PCBP3: variants seen among roughly 807,000 people sequenced by gnomAD.
The protein encoded by PCBP3 is poly(rC) binding protein 3.
Under a neutral mutation model 52.7 loss-of-function variants are expected in PCBP3, and 25 were observed. That is an observed-to-expected ratio of 0.47 (90% CI 0.35 to 0.66). The LOEUF (loss-of-function observed/expected upper bound fraction) is 0.66. Ranked by LOEUF, PCBP3 falls within the 30% of genes least tolerant of loss-of-function variation. The probability of loss-of-function intolerance (pLI) is 0.01; values close to 1 mark genes in which losing one functional copy is unlikely to be tolerated. For synonymous variants in PCBP3, 162 were observed against 183.0 expected, an observed-to-expected ratio of 0.89 and a Z score of 0.93; for missense variants, 391 against 490.3, an observed-to-expected ratio of 0.80 and a Z score of 1.91.
At chr21:45,883,190 C>G (rs1213722714) in intron 5 of PCBP3, among the ~76,000 whole-genome samples, 1 of 152,302 alleles carries the variant, frequency 6.6e-6, no homozygotes, top group East Asian at 1.9e-4. Flanking sequence ...TTTCCAAGTG[C>G]TTGGAACTTT....
chr21:45,874,505 C>CTTT (rs551716964), intron 5 of PCBP3, among the ~76,000 whole-genome samples: 3 of 134,006 alleles, frequency 2.2e-5, no homozygotes, highest in South Asian at 2.4e-4. Flanking sequence ...TTCTTCTTTT[C>CTTT]TTTTTTTTTT....
intron 2 of PCBP3, among the ~76,000 whole-genome samples, chr21:45,691,452 ATGTATG>A (rs1490199429): frequency 1.6e-3 from 126 of 79,364 alleles, no homozygotes; most frequent in African/African-American, 7.4e-3. Flanking sequence ...ATATGTATGT[ATGTATG>A]TGTGTGTGTG....
chr21:45,712,578 C>T (rs905912477), intron 2 of PCBP3, among the ~76,000 whole-genome samples: 55 of 152,150 alleles, frequency 3.6e-4, no homozygotes, highest in African/African-American at 1.2e-3. Context: ...AATGACTTGT[C>T]TCCGAATCTT....
intron 5 of PCBP3, among the ~76,000 whole-genome samples, chr21:45,885,782 G>T (rs1273623472): frequency 6.6e-6 from 1 of 152,194 alleles, no homozygotes; most frequent in Non-Finnish European, 1.5e-5. Flanking sequence ...TTTGTTTAAA[G>T]AGTGTTCCTG....
intron 4 of PCBP3, chr21:45,828,606 G>T (rs548958416): frequency 4.1e-4 from 63 of 152,450 alleles, no homozygotes; most frequent in African/African-American, 1.3e-3. Flanking sequence ...CTCCATCCCT[G>T]TCATTCCTGT....
chr21:45,834,776 C>G (rs952854256), intron 4 of PCBP3, among the ~76,000 whole-genome samples: 2 of 152,260 alleles, frequency 1.3e-5, no homozygotes, highest in Non-Finnish European at 2.9e-5. Context: ...ACAAAGCAGA[C>G]TTCGGAGCTG....
intron 3 of PCBP3, among the ~76,000 whole-genome samples, chr21:45,755,026 C>T (rs1951245388): frequency 6.6e-6 from 1 of 152,038 alleles, no homozygotes; most frequent in African/African-American, 2.4e-5. Context: ...TTTAAGGATA[C>T]AGTTTTATGA....
chr21:45,743,981 A>AT (rs1199029732), intron 3 of PCBP3, among the ~76,000 whole-genome samples: 1 of 151,932 alleles, frequency 6.6e-6, no homozygotes, highest in Non-Finnish European at 1.5e-5. Context: ...TTGGAGACTG[A>AT]TTTTTTAGTG....
chr21:45,765,247 T>C (rs2089195124), intron 4 of PCBP3, among the ~76,000 whole-genome samples: 1 of 152,086 alleles, frequency 6.6e-6, no homozygotes, highest in Non-Finnish European at 1.5e-5. Context: ...TGCCAGGATA[T>C]CTGTGCTGAG....
At chr21:45,810,233 T>TGTGTGA (rs1355629517) in intron 4 of PCBP3, among the ~76,000 whole-genome samples, 6 of 151,490 alleles carry the variant, frequency 4.0e-5, no homozygotes, top group Non-Finnish European at 8.8e-5. Flanking sequence ...TGTGTGTGTG[T>TGTGTGA]GTGTGTGTGT....
intron 4 of PCBP3, among the ~76,000 whole-genome samples, chr21:45,814,161 A>G (rs1237170311): frequency 6.6e-6 from 1 of 152,270 alleles, no homozygotes; most frequent in Non-Finnish European, 1.5e-5. Flanking sequence ...ACTTCGAAAC[A>G]TAGAAAAGGT....
At chr21:45,689,755 TATA>T (rs770181323) in intron 2 of PCBP3, among the ~76,000 whole-genome samples, 38 of 152,176 alleles carry the variant, frequency 2.5e-4, no homozygotes, top group Non-Finnish European at 3.8e-4. Flanking sequence ...TGAAAAAAAT[TATA>T]AACTGCCATT....
intron 17 of PCBP3, 129 bp downstream of exon 17, chr21:45,940,328 C>A: frequency 1.3e-6 from 1 of 755,926 alleles, no homozygotes; most frequent in Non-Finnish European, 2.1e-6. Context: ...CCTTCTGTCC[C>A]CTCTGCTCCA....
intron 2 of PCBP3, among the ~76,000 whole-genome samples, chr21:45,695,523 A>G (rs2082717460): frequency 6.6e-6 from 1 of 152,116 alleles, no homozygotes; most frequent in African/African-American, 2.4e-5. Context: ...TGAATCTCAG[A>G]CTTGTTAGAG....
intron 2 of PCBP3, among the ~76,000 whole-genome samples, chr21:45,732,125 T>C (rs974454753): frequency 6.6e-6 from 1 of 152,150 alleles, no homozygotes; most frequent in Non-Finnish European, 1.5e-5. Context: ...TTTACTTTTA[T>C]ATTTGAAAGT....
intron 4 of PCBP3, among the ~76,000 whole-genome samples, chr21:45,787,469 A>C (rs2091244176): frequency 1.3e-5 from 2 of 151,930 alleles, no homozygotes; most frequent in Non-Finnish European, 2.9e-5. Flanking sequence ...GCTGGTCTCA[A>C]ACTCCAGACC....
At chr21:45,733,191 G>A (rs2085588205) in intron 2 of PCBP3, among the ~76,000 whole-genome samples, 1 of 152,088 alleles carries the variant, frequency 6.6e-6, no homozygotes. Flanking sequence ...CTTGATTTGT[G>A]TGTTTTAAAA....
At chr21:45,806,915 T>A (rs1438094708) in intron 4 of PCBP3, among the ~76,000 whole-genome samples, 1 of 152,240 alleles carries the variant, frequency 6.6e-6, no homozygotes, top group Non-Finnish European at 1.5e-5. Flanking sequence ...GGCTCCTGTA[T>A]GCAGCACTCA....
rs1484926371 is a variant in PCBP3 at position 45,656,492 on chromosome 21, G to A, written c.-278-12382G>A. ...GGAACATCATACACCAGGGCCTGTC[G>A]GTGGTGGGGGCCTAGGGGAGGGATA... is the stretch of plus-strand genomic sequence containing the variant. On this transcript the variant is annotated intron_variant, in intron 1 of 17. Coordinates refer to ENST00000681687, the MANE Select transcript of PCBP3 (RefSeq NM_001384156.1). This position sits in a 1 kb window ranked among gnomAD's most constrained non-coding sequence, Gnocchi z 4.3. Among the ~76,000 whole-genome samples, 1 of 151,960 alleles carries A rather than the reference G, an allele frequency of 6.6e-6. No homozygotes were observed. The highest frequency in any genetic ancestry group is 2.1e-4 in the South Asian group (1 of 4,796).
Sources: allele counts gnomAD v4.1 joint callset (sites outside exome capture counted in the v4.1 genomes callset), GRCh38; gene constraint gnomAD v4.1.1; non-coding constraint Gnocchi (gnomAD v3.1); transcripts MANE v1.5; gene names NCBI Gene and HGNC (gene_info 2026-07-23, HGNC 2026-07-21).